Variants in OSBPL10 observed in about 807,000 individuals in gnomAD.
OSBPL10 encodes oxysterol binding protein like 10.
A neutral mutation model predicts 81.7 loss-of-function variants in OSBPL10; 49 were observed. The ratio of observed to expected loss-of-function variants is 0.60; its 90% CI spans 0.48 to 0.76. The LOEUF is 0.76. Ranked by LOEUF, OSBPL10 falls within the 30% of genes least tolerant of loss-of-function variation. The pLI is 0.00. For missense variants in OSBPL10, 923 were observed against 987.8 expected (o/e 0.93, Z 0.88); for synonymous variants, 419 against 383.6 (o/e 1.09, Z -1.08).
chr3:31,819,864 T>G (rs541846702), intron 4 of OSBPL10, among the ~76,000 whole-genome samples: 2 of 152,220 alleles, frequency 1.3e-5, no homozygotes, highest in East Asian at 1.9e-4. Context: ...CTGGATGGGA[T>G]AGATTCAACA....
chr3:31,981,081 G>A lies in OSBPL10; in HGVS notation c.99C>T (p.Cys33=), dbSNP rs904112917. The A allele has an allele frequency of 6.7e-7, 1 of 1,492,806 alleles. No individual in the cohort carries two copies. The highest frequency in any genetic ancestry group is 1.5e-5 in the African/African-American group (1 of 68,360). 92.5% of individuals were successfully genotyped at this position (1,492,806 alleles called of 1,614,324 possible). Residue 33 remains cysteine (C), a synonymous_variant, in exon 1 of 12, where the codon TGC becomes TGT. Transcript: ENST00000396556. The surrounding 1 kb of genome is among the most constrained non-coding windows in gnomAD (Gnocchi z 4.5). ...RATSAGSSPS[C]SLAGRGVSSR... is the part of the protein sequence containing the mutation. ...TGGAGACCCCCCGGCCCGCCAGAGA[G>A]CAGGAGGGCGAGGAGCCCGCCGAGG...
At chr3:32,028,965 C>A (rs1699442092) in intron 2 of OSBPL10, among the ~76,000 whole-genome samples, 1 of 148,830 alleles carries the variant, frequency 6.7e-6, no homozygotes, top group Admixed American at 6.6e-5. Flanking sequence ...CACACACACA[C>A]ACACACACAC....
At chr3:32,054,686 T>A (rs1484781510) in intron 1 of OSBPL10, among the ~76,000 whole-genome samples, 1 of 151,912 alleles carries the variant, frequency 6.6e-6, no homozygotes, top group Non-Finnish European at 1.5e-5. Flanking sequence ...GGCGGGCCAC[T>A]ACGCCCAGCT....
chr3:31,674,583 T>TTATA (rs1700408529), intron 8 of OSBPL10, among the ~76,000 whole-genome samples: 1 of 147,838 alleles, frequency 6.8e-6, no homozygotes, highest in South Asian at 2.2e-4. Context: ...GATAGATAGA[T>TTATA]TAGATAGATA....
At chr3:32,040,346 G>A (rs566171296) in intron 2 of OSBPL10, among the ~76,000 whole-genome samples, 1 of 152,154 alleles carries the variant, frequency 6.6e-6, no homozygotes, top group East Asian at 1.9e-4. Flanking sequence ...GGCAGAGGTT[G>A]CAGTGAGCTA....
intron 2 of OSBPL10, among the ~76,000 whole-genome samples, chr3:32,044,910 T>C (rs1200258487): frequency 1.3e-5 from 2 of 152,184 alleles, no homozygotes; most frequent in African/African-American, 4.8e-5. Flanking sequence ...TACTTAAAAT[T>C]TGCAGAGAAG....
chr3:31,934,310 A>T (rs1389273883), intron 1 of OSBPL10, among the ~76,000 whole-genome samples: 1 of 152,180 alleles, frequency 6.6e-6, no homozygotes, highest in Non-Finnish European at 1.5e-5. Context: ...ACAACAAAAA[A>T]AAAGGAAGCA....
intron 3 of OSBPL10, among the ~76,000 whole-genome samples, chr3:31,858,028 T>G (rs1700971225): frequency 1.3e-5 from 2 of 150,932 alleles, no homozygotes; most frequent in African/African-American, 2.4e-5. Flanking sequence ...CAAGGTCTCG[T>G]TCTATTGCCC....
Position 31,748,102 on chromosome 3 carries a change from C to G in OSBPL10, c.748G>C (p.Gly250Arg), listed in dbSNP as rs766880024. The G allele has an allele frequency of 6.2e-7, 1 of 1,613,324 alleles. No individual in the cohort carries two copies. The highest frequency in any genetic ancestry group is 1.7e-5 in the Admixed American group (1 of 59,896). ...EVREMMNQVEGQQKNLVHAIE... is the reference protein window; with the variant it reads ...EVREMMNQVERQQKNLVHAIE... ...GCGTGCACAAGGTTCTTCTGCTGCC[C>G]TTCCACCTGGTTCATCATCTACAAA... Residue 250 changes from glycine (G) to arginine (R), a missense_variant, in exon 5 of 12, where the codon GGG becomes CGG. Physicochemically the swap from Gly to Arg is moderately radical, Grantham distance 125. This residue lies in a region of OSBPL10 where 514 missense variants were observed against 508.0 expected (regional missense o/e 1.01). Transcript: ENST00000396556.
At chr3:31,983,542 G>A (rs557794468), upstream of OSBPL10, among the ~76,000 whole-genome samples, 41 of 152,320 alleles carry the variant, frequency 2.7e-4, no homozygotes, top group African/African-American at 8.2e-4. Flanking sequence ...CAAGCCAGCC[G>A]TATGGGATCA....
chr3:31,685,559 C>T lies in OSBPL10; in HGVS notation c.1246-1445G>A, dbSNP rs59873702. 2.4e-3 allele frequency among the ~76,000 whole-genome samples: 359 copies of T among 152,296 alleles called. 1 individual carries two copies. Among genetic ancestry groups the T allele is most frequent in the African/African-American group, 8.4e-3 (351 of 41,566 alleles). Reference sequence around the variant, plus strand: ...CATTCTGTTCCTCCTAACGTGGACTCACAGGATTTTGAAACTGGAAAGCTA... The same window carrying T: ...CATTCTGTTCCTCCTAACGTGGACTTACAGGATTTTGAAACTGGAAAGCTA... On this transcript the variant is annotated intron_variant, in intron 7 of 11. Transcript: ENST00000396556.
At chr3:31,965,537 A>T (rs1341403048) in intron 1 of OSBPL10, among the ~76,000 whole-genome samples, 1 of 44,234 alleles carries the variant, frequency 2.3e-5, no homozygotes, top group East Asian at 1.3e-3. Flanking sequence ...ATATTATATA[A>T]ATTATATATT....
At chr3:31,781,471 G>C (rs1216690065) in intron 4 of OSBPL10, among the ~76,000 whole-genome samples, 4 of 152,114 alleles carry the variant, frequency 2.6e-5, no homozygotes, top group Non-Finnish European at 5.9e-5. Context: ...AGAGCAATCA[G>C]ACAAGGGAAA....
chr3:31,686,480 A>G lies in OSBPL10; in HGVS notation c.1246-2366T>C, dbSNP rs76783623. ...AAAAAGCAGCCAGATGTAAAATTGAACATGTAATACAATCCAAGAATCATA... is the reference window on the plus strand; with the variant it reads ...AAAAAGCAGCCAGATGTAAAATTGAGCATGTAATACAATCCAAGAATCATA... On this transcript the variant is annotated intron_variant, in intron 7 of 11. Transcript: ENST00000396556. 6.0e-3 allele frequency among the ~76,000 whole-genome samples: 915 copies of G among 152,326 alleles called. 9 individuals carry two copies. The highest frequency in any genetic ancestry group is 0.021 in the African/African-American group (872 of 41,582).
chr3:31,777,216 T>A (rs575341451), intron 4 of OSBPL10, among the ~76,000 whole-genome samples: 1 of 152,312 alleles, frequency 6.6e-6, no homozygotes, highest in East Asian at 1.9e-4. Context: ...TGGCTCATCT[T>A]TGCCCAGCTC....
At chr3:31,816,268 A>T (rs1257889856) in intron 4 of OSBPL10, among the ~76,000 whole-genome samples, 1 of 152,114 alleles carries the variant, frequency 6.6e-6, no homozygotes, top group East Asian at 1.9e-4. Context: ...TGTAACTTTC[A>T]TGTCAGTTTA....
intron 1 of OSBPL10, among the ~76,000 whole-genome samples, chr3:31,913,263 CTTT>C (rs1479848425): frequency 5.0e-5 from 7 of 140,102 alleles, no homozygotes; most frequent in African/African-American, 1.9e-4. Flanking sequence ...TTTTTTTTTT[CTTT>C]AAGATGGAGT....
chr3:31,674,215 C>A (rs924908190), intron 8 of OSBPL10, among the ~76,000 whole-genome samples: 1 of 152,036 alleles, frequency 6.6e-6, no homozygotes, highest in African/African-American at 2.4e-5. Flanking sequence ...TGAGTGAGTG[C>A]TCGCATTAGT....
At chr3:31,732,486 A>G (rs975785091) in intron 6 of OSBPL10, 3 of 152,120 alleles carry the variant, frequency 2.0e-5, no homozygotes, top group Admixed American at 1.3e-4. Flanking sequence ...CCTCTAATGC[A>G]TGGTTAAAGG....
Sources: gnomAD v4.1 joint callset for allele counts (sites outside exome capture counted in the v4.1 genomes callset) on GRCh38, gnomAD v4.1.1 for gene constraint, gnomAD v4.1.1 regional missense constraint, Gnocchi (gnomAD v3.1) non-coding constraint, MANE v1.5 for transcripts, NCBI Gene and HGNC (gene_info 2026-07-23, HGNC 2026-07-21) for gene names.